Variants in CYRIA observed in about 807,000 individuals in gnomAD.
CYRIA encodes the protein CYFIP-related Rac1 interactor A.
In CYRIA, 15 loss-of-function variants were observed where a neutral mutation model predicts 43.9. The ratio of observed to expected loss-of-function variants is 0.34; its 90% CI spans 0.23 to 0.53. CYRIA has a LOEUF of 0.53. CYRIA is among the 20% of genes least tolerant of loss of function. CYRIA has a pLI of 0.94. For missense variants in CYRIA, 236 were observed against 394.2 expected, an observed-to-expected ratio of 0.60 and a Z score of 3.40; for synonymous variants, 117 against 136.0, an observed-to-expected ratio of 0.86 and a Z score of 0.97.
chr2:16,626,128 C>A (rs1447268204), intron 1 of CYRIA, among the ~76,000 whole-genome samples: 1 of 152,112 alleles, frequency 6.6e-6, no homozygotes, highest in Non-Finnish European at 1.5e-5. Flanking sequence ...AACAACCACA[C>A]ACAGAGATGA....
chr2:16,593,698 GTTT>G (rs201907701), intron 2 of CYRIA, among the ~76,000 whole-genome samples: 7 of 81,970 alleles, frequency 8.5e-5, no homozygotes, highest in South Asian at 4.5e-4. Context: ...GTGTGTGTGT[GTTT>G]TTTTTTGTGT....
intron 3 of CYRIA, among the ~76,000 whole-genome samples, chr2:16,587,693 G>A (rs536162473): frequency 5.9e-5 from 9 of 152,150 alleles, no homozygotes; most frequent in African/African-American, 1.9e-4. Flanking sequence ...TCATGGGGAC[G>A]GGTCTTCCCC....
At chr2:16,627,083 C>G (rs1474677104) in intron 1 of CYRIA, among the ~76,000 whole-genome samples, 2 of 152,228 alleles carry the variant, frequency 1.3e-5, no homozygotes, top group African/African-American at 2.4e-5. Context: ...AGTCTAGCGA[C>G]CTTTCCCCAT....
intron 2 of CYRIA, among the ~76,000 whole-genome samples, chr2:16,591,364 G>C (rs540512977): frequency 3.3e-5 from 5 of 152,142 alleles, no homozygotes; most frequent in Admixed American, 2.6e-4. Flanking sequence ...AAGCAAAGAA[G>C]TGTCCCCTTC....
chr2:16,558,942 G>A (rs1666626801), intron 10 of CYRIA, among the ~76,000 whole-genome samples: 1 of 152,126 alleles, frequency 6.6e-6, no homozygotes, highest in Non-Finnish European at 1.5e-5. Flanking sequence ...ACCCATCAGA[G>A]AGGAAGAGGA....
intron 2 of CYRIA, among the ~76,000 whole-genome samples, chr2:16,618,253 T>C (rs1668871715): frequency 6.6e-6 from 1 of 152,196 alleles, no homozygotes; most frequent in South Asian, 2.1e-4. Flanking sequence ...ACATTGCCCC[T>C]TTCTCTCTTC....
At chr2:16,602,204 G>A (rs1308191647) in intron 2 of CYRIA, among the ~76,000 whole-genome samples, 1 of 152,098 alleles carries the variant, frequency 6.6e-6, no homozygotes, top group Non-Finnish European at 1.5e-5. Flanking sequence ...CAGATAAGAA[G>A]ACCTCTATCA....
chr2:16,634,877 G>A (rs967767266), intron 1 of CYRIA, among the ~76,000 whole-genome samples: 7 of 152,114 alleles, frequency 4.6e-5, no homozygotes, highest in South Asian at 2.1e-4. Context: ...ATTGTCCCAC[G>A]CTCCCAGCAA....
rs371762080 is a variant in CYRIA, at chr2:16,552,939, C to T, written c.969G>A (p.Gln323=). 4.4e-6 allele frequency: 7 copies of T among 1,597,558 alleles called. No homozygotes were observed. In the African/African-American group the frequency reaches 5.4e-5, roughly 12 times the overall value. The change falls in exon 12 of 12, where the codon CAG becomes CAA. Residue 323 remains glutamine (Q), a synonymous_variant. Transcript: ENST00000381323. ...ATCCTCTTCTTTGAGCAGAGCTCTA[C>T]TGAAGCATTGCTCGAATCTGTTTGG... ...STSKQIRAML[Q]
intron 3 of CYRIA, among the ~76,000 whole-genome samples, chr2:16,580,096 T>C (rs1270348134): frequency 1.3e-5 from 2 of 151,940 alleles, no homozygotes; most frequent in African/African-American, 4.8e-5. Flanking sequence ...TACAGGTGCA[T>C]GCCACCATGC....
intron 1 of CYRIA, among the ~76,000 whole-genome samples, chr2:16,643,872 C>T (rs527844066): frequency 6.6e-6 from 1 of 152,368 alleles, no homozygotes; most frequent in East Asian, 1.9e-4. Context: ...TTCCACTAGG[C>T]TTCACCTATG....
chr2:16,641,758 T>C (rs970601280), intron 1 of CYRIA, among the ~76,000 whole-genome samples: 1 of 152,184 alleles, frequency 6.6e-6, no homozygotes, highest in African/African-American at 2.4e-5. Context: ...TGCAGCAACA[T>C]AAGCAGATCA....
chr2:16,586,365 T>A (rs1667728539), intron 3 of CYRIA, among the ~76,000 whole-genome samples: 1 of 152,100 alleles, frequency 6.6e-6, no homozygotes, highest in Admixed American at 6.6e-5. Context: ...AATAAACCAT[T>A]CTTTGAACAA....
At chr2:16,591,124 CTTAA>C (rs1174690161) in intron 2 of CYRIA, among the ~76,000 whole-genome samples, 1 of 151,172 alleles carries the variant, frequency 6.6e-6, no homozygotes, top group Non-Finnish European at 1.5e-5. Context: ...CATGAAATAG[CTTAA>C]TTAATTCATA....
intron 3 of CYRIA, among the ~76,000 whole-genome samples, chr2:16,583,671 TG>T (rs1419710721): frequency 6.6e-6 from 1 of 152,176 alleles, no homozygotes; most frequent in Non-Finnish European, 1.5e-5. Context: ...TCCTGTAAAC[TG>T]AAGCCATCAC....
At chr2:16,646,775 G>A (rs1669832222) in intron 1 of CYRIA, among the ~76,000 whole-genome samples, 2 of 152,118 alleles carry the variant, frequency 1.3e-5, no homozygotes, top group African/African-American at 4.8e-5. Context: ...ATATGGATGG[G>A]CCTCAACAGA....
At chr2:16,579,002 A>G (rs1667452934) in intron 3 of CYRIA, among the ~76,000 whole-genome samples, 1 of 152,154 alleles carries the variant, frequency 6.6e-6, no homozygotes, top group Non-Finnish European at 1.5e-5. Flanking sequence ...AATAAAGATA[A>G]ATTATTGACA....
chr2:16,564,577 C>T (rs1023479972), intron 4 of CYRIA, among the ~76,000 whole-genome samples: 2 of 152,096 alleles, frequency 1.3e-5, no homozygotes, highest in Non-Finnish European at 2.9e-5. Context: ...AGAAACTCCG[C>T]CTTGTCTGAG....
At chr2:16,640,151 A>G (rs1424558123) in intron 1 of CYRIA, among the ~76,000 whole-genome samples, 4 of 152,230 alleles carry the variant, frequency 2.6e-5, no homozygotes, top group Admixed American at 1.3e-4. Flanking sequence ...CCTTGCAAAA[A>G]GGGGGAAAAA....
Sources: gnomAD v4.1 joint callset for allele counts (sites outside exome capture counted in the v4.1 genomes callset) on GRCh38, gnomAD v4.1.1 for gene constraint, MANE v1.5 for transcripts, NCBI Gene and HGNC (gene_info 2026-07-23, HGNC 2026-07-21) for gene names.